Variants in SPIDR observed in about 807,000 individuals in gnomAD.
SPIDR encodes the protein DNA repair-scaffolding protein.
Under a neutral mutation model 104.6 loss-of-function variants are expected in SPIDR, and 93 were observed. That is an observed-to-expected ratio of 0.89 (90% CI 0.75 to 1.06). The LOEUF (loss-of-function observed/expected upper bound fraction) is 1.06. Ranked by LOEUF, SPIDR falls within the 50% of genes least tolerant of loss-of-function variation. The pLI, the probability that SPIDR is intolerant of heterozygous loss-of-function variation, is 0.00. For missense variants in SPIDR, 1,154 were observed against 1,111.2 expected, an observed-to-expected ratio of 1.04 and a Z score of -0.55; for synonymous variants, 431 against 416.9, an observed-to-expected ratio of 1.03 and a Z score of -0.41.
intron 11 of SPIDR, among the ~76,000 whole-genome samples, chr8:47,696,987 C>T (rs767708117): frequency 6.6e-6 from 1 of 152,138 alleles, no homozygotes; most frequent in African/African-American, 2.4e-5. Context: ...GGACTCCTTC[C>T]GCGTGGCCCT....
chr8:47,497,066 C>T (rs546626669), intron 8 of SPIDR, among the ~76,000 whole-genome samples: 1 of 152,046 alleles, frequency 6.6e-6, no homozygotes, highest in South Asian at 2.1e-4. Flanking sequence ...TCCTCTCTTT[C>T]GATTCTGATT....
At chr8:47,682,461 T>C (rs2077228168) in intron 11 of SPIDR, among the ~76,000 whole-genome samples, 1 of 152,208 alleles carries the variant, frequency 6.6e-6, no homozygotes, top group South Asian at 2.1e-4. Flanking sequence ...AGGTAGTGTG[T>C]GCACAACATT....
chr8:47,562,291 G>T (rs1454316910), intron 8 of SPIDR, among the ~76,000 whole-genome samples: 1 of 152,102 alleles, frequency 6.6e-6, no homozygotes, highest in Non-Finnish European at 1.5e-5. Context: ...AGTTTTTGTT[G>T]ATTTTAATAT....
At chr8:47,271,824 G>A (rs2035381441) in intron 1 of SPIDR, among the ~76,000 whole-genome samples, 1 of 151,934 alleles carries the variant, frequency 6.6e-6, no homozygotes, top group South Asian at 2.1e-4. Context: ...GTCTCACCAC[G>A]ATGCCCAGGC....
At chr8:47,550,719 A>G (rs548970821) in intron 8 of SPIDR, among the ~76,000 whole-genome samples, 356 of 152,176 alleles carry the variant, frequency 2.3e-3, no homozygotes, top group African/African-American at 8.3e-3. Flanking sequence ...TGCAAACAGG[A>G]ACAATTTGAC....
chr8:47,502,281 T>A (rs1218770260), intron 8 of SPIDR, among the ~76,000 whole-genome samples: 1 of 152,234 alleles, frequency 6.6e-6, no homozygotes, highest in Non-Finnish European at 1.5e-5. Context: ...GGGGCTTTTT[T>A]GGTTGGTAAG....
At chr8:47,455,877 GAA>G (rs1169033222) in intron 8 of SPIDR, among the ~76,000 whole-genome samples, 6 of 152,070 alleles carry the variant, frequency 3.9e-5, no homozygotes, top group Non-Finnish European at 8.8e-5. Context: ...GGACAGAATT[GAA>G]AGGAGAAATA....
At chr8:47,581,684 T>G (rs556536431) in intron 8 of SPIDR, among the ~76,000 whole-genome samples, 1 of 152,302 alleles carries the variant, frequency 6.6e-6, no homozygotes, top group South Asian at 2.1e-4. Context: ...AAATGTAGAT[T>G]ATATTTTCTG....
chr8:47,624,161 A>T (rs924054226), intron 10 of SPIDR, among the ~76,000 whole-genome samples: 8 of 152,358 alleles, frequency 5.3e-5, no homozygotes, highest in African/African-American at 1.7e-4. Flanking sequence ...AAATGAAGGC[A>T]GAAATAAAGA....
chr8:47,541,225 C>T (rs879391491), intron 8 of SPIDR, among the ~76,000 whole-genome samples: 6 of 152,218 alleles, frequency 3.9e-5, no homozygotes, highest in Non-Finnish European at 1.5e-5. Flanking sequence ...CATGAATTAT[C>T]TTATTCAATC....
chr8:47,580,289 A>G (rs577578501), intron 8 of SPIDR, among the ~76,000 whole-genome samples: 1 of 152,348 alleles, frequency 6.6e-6, no homozygotes, highest in African/African-American at 2.4e-5. Flanking sequence ...ACAATAGACA[A>G]CAACTAATTT....
chr8:47,362,755 C>T (rs2056317995), intron 5 of SPIDR, among the ~76,000 whole-genome samples: 1 of 152,100 alleles, frequency 6.6e-6, no homozygotes, highest in African/African-American at 2.4e-5. Context: ...CAGGTTCAAG[C>T]AATTCTGCTT....
intron 10 of SPIDR, among the ~76,000 whole-genome samples, chr8:47,625,966 C>T (rs1305112915): frequency 6.6e-6 from 1 of 152,188 alleles, no homozygotes. Flanking sequence ...CTGGAGGTAT[C>T]ACACTACCTG....
intron 1 of SPIDR, among the ~76,000 whole-genome samples, chr8:47,277,358 ATG>A (rs2036708999): frequency 1.0e-4 from 15 of 148,382 alleles, no homozygotes; most frequent in Non-Finnish European, 1.9e-4. Flanking sequence ...ATGTTATGTT[ATG>A]TTATGTTATG....
At chr8:47,699,043 A>G (rs928629701) in intron 11 of SPIDR, among the ~76,000 whole-genome samples, 2 of 152,190 alleles carry the variant, frequency 1.3e-5, no homozygotes, top group East Asian at 3.8e-4. Flanking sequence ...AATTTTTTTT[A>G]CACTCATCTT....
intron 19 of SPIDR, among the ~76,000 whole-genome samples, chr8:47,731,815 C>A (rs1358940878): frequency 3.9e-5 from 6 of 152,134 alleles, no homozygotes. Context: ...CACAGCTGAC[C>A]AGGTAGAAGT....
chr8:47,563,798 T>C (rs761929324), intron 8 of SPIDR, among the ~76,000 whole-genome samples: 10 of 152,190 alleles, frequency 6.6e-5, no homozygotes, highest in Non-Finnish European at 1.5e-4. Flanking sequence ...AGTCAGGTAT[T>C]TGAGTTATAG....
chr8:47,504,388 T>C (rs982212922), intron 8 of SPIDR, among the ~76,000 whole-genome samples: 1 of 152,204 alleles, frequency 6.6e-6, no homozygotes, highest in African/African-American at 2.4e-5. Context: ...ATTCATTTGA[T>C]CTTCTATCAC....
intron 5 of SPIDR, among the ~76,000 whole-genome samples, chr8:47,348,650 G>A (rs750512839): frequency 3.4e-4 from 52 of 152,044 alleles, no homozygotes; most frequent in Admixed American, 2.8e-3. Context: ...GGGTTTGTTC[G>A]TTTCTTTTTA....
Sources: allele counts gnomAD v4.1 joint callset (sites outside exome capture counted in the v4.1 genomes callset), GRCh38; gene constraint gnomAD v4.1.1; transcripts MANE v1.5; gene names NCBI Gene and HGNC (gene_info 2026-07-23, HGNC 2026-07-21).